Variants in SPEF2 observed in about 807,000 individuals in gnomAD.
SPEF2 encodes the protein sperm flagellar and cilia associated 2.
Under a neutral mutation model 224.6 loss-of-function variants are expected in SPEF2, and 187 were observed. The ratio of observed to expected loss-of-function variants is 0.83; its 90% CI spans 0.74 to 0.94. SPEF2 has a LOEUF of 0.94. SPEF2 is among the 40% of genes least tolerant of loss of function. The pLI, the probability that SPEF2 is intolerant of heterozygous loss-of-function variation, is 0.00. For missense variants in SPEF2, 2,170 were observed against 2,135.6 expected, an observed-to-expected ratio of 1.02 and a Z score of -0.32; for synonymous variants, 715 against 707.3, an observed-to-expected ratio of 1.01 and a Z score of -0.17.
intron 1 of SPEF2, among the ~76,000 whole-genome samples, chr5:35,620,947 G>A (rs907668810): frequency 2.0e-5 from 3 of 152,182 alleles, no homozygotes; most frequent in African/African-American, 7.2e-5. Context: ...AGAGGAAATT[G>A]TGGAAGGATA....
chr5:35,667,024 TA>T (rs1207565539), intron 8 of SPEF2, 47 bp from the exon 9 acceptor site: 2 of 1,500,126 alleles, frequency 1.3e-6, no homozygotes, highest in East Asian at 4.8e-5. Flanking sequence ...ACATTATTTT[TA>T]TTTGATTCAA....
chr5:35,720,221 T>C (rs575616620), intron 20 of SPEF2, among the ~76,000 whole-genome samples: 28 of 152,352 alleles, frequency 1.8e-4, no homozygotes, highest in Middle Eastern at 3.4e-3. Flanking sequence ...ATTTTGATCA[T>C]AGGAGTATAC....
At chr5:35,693,745 T>C (rs1412166976) in intron 12 of SPEF2, among the ~76,000 whole-genome samples, 1 of 152,226 alleles carries the variant, frequency 6.6e-6, no homozygotes, top group Non-Finnish European at 1.5e-5. Context: ...AATTAGCTGA[T>C]AATCTGATCC....
intron 16 of SPEF2, among the ~76,000 whole-genome samples, chr5:35,701,531 A>G (rs1158400850): frequency 6.6e-6 from 1 of 152,066 alleles, no homozygotes; most frequent in Non-Finnish European, 1.5e-5. Context: ...TCAACAAATG[A>G]TTGCCTTCAC....
At chr5:35,759,450 A>C in intron 24 of SPEF2, 118 bp from the exon 25 acceptor site, 1 of 925,460 alleles carries the variant, frequency 1.1e-6, no homozygotes, top group Non-Finnish European at 1.5e-6. Flanking sequence ...TCTTATTTCC[A>C]GAAAATTATT....
At chr5:35,749,619 T>A (rs547323502) in intron 23 of SPEF2, among the ~76,000 whole-genome samples, 16 of 150,800 alleles carry the variant, frequency 1.1e-4, no homozygotes, top group African/African-American at 3.7e-4. Context: ...GCAAAAAAAA[T>A]GAAATACTTA....
At position 35,756,790 on chromosome 5, in the gene SPEF2, C is replaced by G. The variant is rs1404437338; in HGVS notation, c.3469-2778C>G. 2.0e-5 allele frequency among the ~76,000 whole-genome samples: 3 copies of G among 152,294 alleles called. No individual in the cohort carries two copies. In the East Asian group the frequency reaches 5.8e-4, roughly 29 times the overall value. ...ATCTACTCTAGCCTTCTTCCCTCTC[C>G]CTGGGAGATTGACAAGTGTATCGAC... On this transcript the variant is annotated intron_variant, in intron 24 of 36. Coordinates refer to ENST00000356031, the MANE Select transcript of SPEF2 (RefSeq NM_024867.4).
At chr5:35,717,741 G>A (rs1580429480) in intron 20 of SPEF2, among the ~76,000 whole-genome samples, 1 of 152,274 alleles carries the variant, frequency 6.6e-6, no homozygotes, top group South Asian at 2.1e-4. Context: ...CGCAAATGAT[G>A]TGAACTTCCC....
At chr5:35,810,577 C>T (rs1026598862) in intron 36 of SPEF2, among the ~76,000 whole-genome samples, 14 of 152,306 alleles carry the variant, frequency 9.2e-5, no homozygotes, top group Admixed American at 4.6e-4. Context: ...TGGAGCAGCA[C>T]AGTTCCTCTT....
intron 23 of SPEF2, among the ~76,000 whole-genome samples, chr5:35,751,096 C>CATATATAAATATATATATATATATAT (rs1749561777): frequency 3.3e-5 from 1 of 30,626 alleles, no homozygotes; most frequent in African/African-American, 1.1e-4. Context: ...CACACACACA[C>CATATATAAATATATATATATATATAT]ATATATATAT....
At chr5:35,640,260 CA>C (rs1472779715) in intron 2 of SPEF2, among the ~76,000 whole-genome samples, 3 of 152,104 alleles carry the variant, frequency 2.0e-5, no homozygotes, top group Non-Finnish European at 4.4e-5. Context: ...ATCTGTAGCC[CA>C]AGGTTATAAC....
intron 25 of SPEF2, among the ~76,000 whole-genome samples, chr5:35,763,037 A>G (rs1319929123): frequency 6.6e-6 from 1 of 152,190 alleles, no homozygotes; most frequent in Non-Finnish European, 1.5e-5. Flanking sequence ...AGAGGAGATC[A>G]GGTGTGTTCA....
chr5:35,739,854 T>A, intron 21 of SPEF2, 65 bp from the exon 22 acceptor site: 3 of 1,583,964 alleles, frequency 1.9e-6, no homozygotes, highest in African/African-American at 1.4e-5. Flanking sequence ...ACTGTTCTTT[T>A]GACACTATTA....
At position 35,676,320 on chromosome 5, in the gene SPEF2, C is replaced by T. The variant is rs369731017; in HGVS notation, c.1524+6093C>T. ...TACTACTGAGTTTTGGGTTTGTTCT[C>T]TACCTACTTTGGCAACTACAGGAGC... On this transcript the variant is annotated intron_variant, in intron 10 of 36. Coordinates refer to ENST00000356031, the MANE Select transcript of SPEF2 (RefSeq NM_024867.4). Among the ~76,000 whole-genome samples the T allele has an allele frequency of 9.2e-5, 14 of 152,250 alleles. 1 individual carries two copies. The East Asian group carries it at 2.5e-3, about 27-fold the overall frequency.
rs151261391 is a variant in SPEF2, at chr5:35,763,645, C to T, written c.3744C>T (p.Ala1248=). The T allele has an allele frequency of 1.9e-3, 3,084 of 1,613,644 alleles. 2 individuals carry two copies. The highest frequency in any genetic ancestry group is 2.5e-3 in the Non-Finnish European group (2,906 of 1,179,836). The change falls in exon 26 of 37, where the codon GCC becomes GCT. Residue 1248 remains alanine (A), a synonymous_variant. Coordinates refer to ENST00000356031, the MANE Select transcript of SPEF2 (RefSeq NM_024867.4). ...AAAACGTTGAGTCCAACTTTGAGGC[C>T]GATGAAAAGTTGGTCATGGACACCT... ...SLENVESNFE[A]DEKLVMDTWQ... is the part of the protein sequence containing the mutation.
At chr5:35,629,606 A>G (rs1744801246) in intron 2 of SPEF2, among the ~76,000 whole-genome samples, 1 of 152,212 alleles carries the variant, frequency 6.6e-6, no homozygotes, top group South Asian at 2.1e-4. Context: ...CTATATTGAA[A>G]TATAATTTAT....
At chr5:35,675,662 G>T (rs1751890647) in intron 10 of SPEF2, 2 of 252,520 alleles carry the variant, frequency 7.9e-6, no homozygotes. Flanking sequence ...CAGGCCTACA[G>T]GCGCCCGCCA....
chr5:35,712,092 C>G (rs1741262906), intron 19 of SPEF2, among the ~76,000 whole-genome samples: 1 of 152,040 alleles, frequency 6.6e-6, no homozygotes, highest in South Asian at 2.1e-4. Context: ...ATACTCACAT[C>G]ATTCTTTGTA....
chr5:35,641,683 G>A lies in SPEF2; in HGVS notation c.414G>A (p.Glu138=), dbSNP rs1746643404. 1 of 1,609,568 alleles carries A rather than the reference G, an allele frequency of 6.2e-7. No homozygotes were observed. Among genetic ancestry groups the A allele is most frequent in the African/African-American group, 1.3e-5 (1 of 74,552 alleles). ...LQNMKSDTFQ[E]RLRHMIPRQT... The stretch of plus-strand genomic sequence containing the variant: ...ACATGAAAAGTGATACTTTTCAAGA[G>A]GTAGGTACATAAAAAAGCATAATAA... Residue 138 remains glutamate (E), a splice_region_variant and synonymous_variant, in exon 3 of 37, where the codon GAG becomes GAA. Transcript: ENST00000356031.
Sources: allele counts gnomAD v4.1 joint callset (sites outside exome capture counted in the v4.1 genomes callset), GRCh38; gene constraint gnomAD v4.1.1; transcripts MANE v1.5; gene names NCBI Gene and HGNC (gene_info 2026-07-23, HGNC 2026-07-21).